Variants in PITPNC1 observed in about 807,000 individuals in gnomAD.
PITPNC1 encodes the protein cytoplasmic phosphatidylinositol transfer protein 1.
A neutral mutation model predicts 44.7 loss-of-function variants in PITPNC1; 18 were observed. The observed-to-expected ratio is 0.40, with a 90% CI of 0.28 to 0.60. PITPNC1 has a LOEUF of 0.60. Among genes scored for constraint, PITPNC1 ranks in the 20% least tolerant of loss-of-function variants. The probability of loss-of-function intolerance (pLI) is 0.39; values close to 1 mark genes in which losing one functional copy is unlikely to be tolerated. For missense variants in PITPNC1, 290 were observed against 418.4 expected, an observed-to-expected ratio of 0.69 and a Z score of 2.68; for synonymous variants, 141 against 149.6, an observed-to-expected ratio of 0.94 and a Z score of 0.42.
Position 67,377,438 on chromosome 17 carries a change from C to T in PITPNC1, c.-717C>T, listed in dbSNP as rs1163034482. The T allele has an allele frequency of 6.5e-6, 1 of 152,876 alleles. No individual in the cohort carries two copies. Among genetic ancestry groups the T allele is most frequent in the African/African-American group, 2.4e-5 (1 of 41,444 alleles). The allele number at this position is 152,876 out of a possible 1,614,324, so 9.5% of individuals were successfully genotyped here. On this transcript the variant is annotated 5_prime_UTR_variant, in exon 1 of 9. Coordinates refer to ENST00000581322, the MANE Select transcript of PITPNC1 (RefSeq NM_012417.4). ...AAGGCGCCAGCTTCCTCCCGCCCGC[C>T]CCTGGCAGCCGCGAGCCGAGGTTGG...
chr17:67,451,643 T>G (rs1269606261), intron 1 of PITPNC1, among the ~76,000 whole-genome samples: 1 of 146,764 alleles, frequency 6.8e-6, no homozygotes, highest in East Asian at 2.0e-4. Context: ...TTTTTTTTTG[T>G]TTTGTTTTTT....
At position 67,562,580 on chromosome 17, in the gene PITPNC1, GAACT is replaced by G. The variant is rs1294439060; in HGVS notation, c.294+8965_294+8968del. Among the ~76,000 whole-genome samples, 7 of 151,468 alleles carry G rather than the reference GAACT, an allele frequency of 4.6e-5. No homozygotes were observed. The East Asian group carries it at 1.4e-3, about 29-fold the overall frequency. ...TTGAGTTCTTCTTCTCACTTTTGTG[GAACT>G]ATCTTCTTTGCAATTTTTTTCTCCA... On this transcript the variant is annotated intron_variant, in intron 4 of 8. Coordinates refer to ENST00000581322, the MANE Select transcript of PITPNC1 (RefSeq NM_012417.4).
intron 1 of PITPNC1, among the ~76,000 whole-genome samples, chr17:67,389,458 T>C: frequency 6.6e-6 from 1 of 152,196 alleles, no homozygotes; most frequent in East Asian, 1.9e-4. Context: ...GATACTTTAT[T>C]GAACTCCTGC....
At chr17:67,541,543 A>G (rs1347166125) in intron 2 of PITPNC1, among the ~76,000 whole-genome samples, 5 of 152,182 alleles carry the variant, frequency 3.3e-5, no homozygotes, top group African/African-American at 7.2e-5. Flanking sequence ...TTATTCTTCA[A>G]CTGAATCAAT....
At chr17:67,507,676 T>C (rs2040123966) in intron 1 of PITPNC1, among the ~76,000 whole-genome samples, 1 of 117,770 alleles carries the variant, frequency 8.5e-6, no homozygotes, top group Non-Finnish European at 1.7e-5. Context: ...AGGGCAAGAC[T>C]TGGTCTCAAA....
intron 2 of PITPNC1, among the ~76,000 whole-genome samples, chr17:67,539,311 G>A (rs572182363): frequency 1.3e-5 from 2 of 152,252 alleles, no homozygotes; most frequent in East Asian, 3.9e-4. Flanking sequence ...TATATTTCTA[G>A]GTAGAGCCCT....
intron 6 of PITPNC1, among the ~76,000 whole-genome samples, chr17:67,642,117 A>G (rs1216196832): frequency 6.6e-6 from 1 of 152,184 alleles, no homozygotes; most frequent in African/African-American, 2.4e-5. Flanking sequence ...TGGAATGGAC[A>G]GTGTAGTGAA....
At chr17:67,447,326 A>T (rs2039112561) in intron 1 of PITPNC1, among the ~76,000 whole-genome samples, 1 of 151,760 alleles carries the variant, frequency 6.6e-6, no homozygotes, top group Non-Finnish European at 1.5e-5. Flanking sequence ...TGAAAAACAC[A>T]ATATAAACTG....
intron 1 of PITPNC1, among the ~76,000 whole-genome samples, chr17:67,422,229 A>G (rs2038681012): frequency 6.6e-6 from 1 of 152,206 alleles, no homozygotes; most frequent in African/African-American, 2.4e-5. Flanking sequence ...AAGGAAGGCT[A>G]TTAATACATT....
chr17:67,386,618 T>C (rs573132439), intron 1 of PITPNC1, among the ~76,000 whole-genome samples: 1 of 152,316 alleles, frequency 6.6e-6, no homozygotes, highest in Non-Finnish European at 1.5e-5. Context: ...TGTGAAAGTG[T>C]ATGCACAAAG....
chr17:67,646,174 C>T (rs543157335), intron 6 of PITPNC1, among the ~76,000 whole-genome samples: 1 of 152,186 alleles, frequency 6.6e-6, no homozygotes, highest in Non-Finnish European at 1.5e-5. Flanking sequence ...CCACCAGGTC[C>T]TCTGGCTAAA....
chr17:67,427,049 G>A lies in PITPNC1; in HGVS notation c.48+48847G>A, dbSNP rs77252884. Among the ~76,000 whole-genome samples, 1,375 of 152,228 alleles carry A rather than the reference G, an allele frequency of 9.0e-3. 14 individuals are homozygous for A. The highest frequency in any genetic ancestry group is 0.014 in the Non-Finnish European group (967 of 68,014). ...TGAGTCCTAATGGCACCGAGGTGCT[G>A]TCTCAGGTGACCTTCTCCTAATCCT... On this transcript the variant is annotated intron_variant, in intron 1 of 8. Transcript: ENST00000581322.
intron 5 of PITPNC1, among the ~76,000 whole-genome samples, chr17:67,591,142 A>G (rs2041386471): frequency 6.6e-6 from 1 of 152,142 alleles, no homozygotes; most frequent in South Asian, 2.1e-4. Flanking sequence ...AAACAAACAA[A>G]CAAAAAACCC....
chr17:67,659,130 A>T (rs2042308350), intron 6 of PITPNC1, among the ~76,000 whole-genome samples: 1 of 152,190 alleles, frequency 6.6e-6, no homozygotes, highest in African/African-American at 2.4e-5. Context: ...AGCAGCATTC[A>T]TTCTCTTCAT....
intron 5 of PITPNC1, among the ~76,000 whole-genome samples, chr17:67,631,147 G>C (rs2041962197): frequency 6.7e-6 from 1 of 149,892 alleles, no homozygotes; most frequent in Admixed American, 6.7e-5. Flanking sequence ...CAGATTGGCA[G>C]GAAACCATCT....
intron 1 of PITPNC1, among the ~76,000 whole-genome samples, chr17:67,433,315 CG>C (rs2038883972): frequency 6.6e-6 from 1 of 152,170 alleles, no homozygotes; most frequent in Admixed American, 6.5e-5. Flanking sequence ...CCGCGGGCTG[CG>C]GGAGCGAGCC....
intron 5 of PITPNC1, chr17:67,613,905 C>A (rs2041722647): frequency 1.0e-5 from 1 of 98,230 alleles, no homozygotes. Context: ...CCAGTCTGGG[C>A]AACATGGCAA....
At chr17:67,543,910 C>T (rs181079880) in intron 2 of PITPNC1, among the ~76,000 whole-genome samples, 68 of 152,236 alleles carry the variant, frequency 4.5e-4, no homozygotes, top group Admixed American at 2.2e-3. Flanking sequence ...GAGTGCGGTG[C>T]TGTAATCTTG....
intron 1 of PITPNC1, among the ~76,000 whole-genome samples, chr17:67,511,807 C>G (rs959479157): frequency 5.9e-5 from 9 of 152,106 alleles, no homozygotes; most frequent in African/African-American, 2.2e-4. Flanking sequence ...TTGCACCCAG[C>G]CTGGCTAGCT....
Sources: allele counts gnomAD v4.1 joint callset (sites outside exome capture counted in the v4.1 genomes callset), GRCh38; gene constraint gnomAD v4.1.1; transcripts MANE v1.5; gene names NCBI Gene and HGNC (gene_info 2026-07-23, HGNC 2026-07-21).